The following RSRC1 variants were observed in gnomAD, a reference collection of about 807,000 sequenced individuals.
RSRC1 encodes serine/Arginine-related protein 53.
RSRC1 carries 39 observed loss-of-function variants against 49.1 expected under a neutral mutation model. That is an observed-to-expected ratio of 0.79 (90% CI 0.61 to 1.04). The LOEUF (loss-of-function observed/expected upper bound fraction) is 1.04. Ranked by LOEUF, RSRC1 falls within the 50% of genes least tolerant of loss-of-function variation. The pLI is 0.00. For missense variants in RSRC1, 388 were observed against 402.4 expected, an observed-to-expected ratio of 0.96 and a Z score of 0.31; for synonymous variants, 143 against 130.8, an observed-to-expected ratio of 1.09 and a Z score of -0.63.
intron 2 of RSRC1, 79 bp downstream of exon 2, chr3:158,122,377 C>T: frequency 1.8e-6 from 2 of 1,107,418 alleles, no homozygotes; most frequent in Non-Finnish European, 2.5e-6. Context: ...TTTAATTTTG[C>T]TAGATAAAAC....
intron 6 of RSRC1, among the ~76,000 whole-genome samples, chr3:158,388,597 T>A (rs1203666975): frequency 7.3e-6 from 1 of 137,444 alleles, no homozygotes; most frequent in Non-Finnish European, 1.6e-5. Context: ...GGGAGCCAAA[T>A]TAGCCGTGTT....
At chr3:158,353,995 C>CTTTTTTTTTTTTTTTTTTTTTTTTT (rs1230649090) in intron 5 of RSRC1, among the ~76,000 whole-genome samples, 1 of 96,302 alleles carries the variant, frequency 1.0e-5, no homozygotes, top group Non-Finnish European at 1.9e-5. Flanking sequence ...GTTTCTTTTT[C>CTTTTTTTTTTTTTTTTTTTTTTTTT]TTTTTTTTTT....
chr3:158,275,319 T>C (rs76554882), intron 4 of RSRC1, among the ~76,000 whole-genome samples: 4,041 of 152,198 alleles, frequency 0.027, 162 homozygotes, highest in African/African-American at 0.093. Flanking sequence ...TCCCCATAAT[T>C]TTCTAAATAT....
At chr3:158,439,495 G>T (rs556974889) in intron 6 of RSRC1, among the ~76,000 whole-genome samples, 2,570 of 152,120 alleles carry the variant, frequency 0.017, 24 homozygotes, top group African/African-American at 0.028. Context: ...TAAAAAAGGA[G>T]GAGTTCATGT....
chr3:158,532,042 T>C (rs1184155338), intron 7 of RSRC1, among the ~76,000 whole-genome samples: 1 of 151,910 alleles, frequency 6.6e-6, no homozygotes, highest in Non-Finnish European at 1.5e-5. Flanking sequence ...AATGTTTTTA[T>C]TGTTGACTAT....
chr3:158,162,632 G>A (rs919153504), intron 3 of RSRC1, among the ~76,000 whole-genome samples: 1 of 152,112 alleles, frequency 6.6e-6, no homozygotes, highest in Non-Finnish European at 1.5e-5. Context: ...ATTGCTTCTA[G>A]CTCATTTATA....
chr3:158,435,642 C>CT (rs1264027146), intron 6 of RSRC1, among the ~76,000 whole-genome samples: 3 of 151,472 alleles, frequency 2.0e-5, no homozygotes, highest in Non-Finnish European at 4.4e-5. Context: ...TTTACTTTCA[C>CT]TTTGAAAGTA....
At chr3:158,378,897 C>T (rs919568548) in intron 6 of RSRC1, among the ~76,000 whole-genome samples, 5 of 152,174 alleles carry the variant, frequency 3.3e-5, no homozygotes, top group South Asian at 4.1e-4. Context: ...CAGCTTCCCT[C>T]CAAAATCTGT....
intron 6 of RSRC1, among the ~76,000 whole-genome samples, chr3:158,444,075 T>G (rs1306872167): frequency 6.6e-6 from 1 of 152,094 alleles, no homozygotes; most frequent in South Asian, 2.1e-4. Flanking sequence ...GTGACAGATA[T>G]CAACAGATGT....
intron 6 of RSRC1, among the ~76,000 whole-genome samples, chr3:158,403,128 C>G (rs1228861532): frequency 6.6e-6 from 1 of 151,780 alleles, no homozygotes; most frequent in African/African-American, 2.4e-5. Flanking sequence ...TTTTTAACTT[C>G]TAGTTTCTCT....
chr3:158,181,448 A>G (rs1719617370), intron 3 of RSRC1, among the ~76,000 whole-genome samples: 1 of 152,202 alleles, frequency 6.6e-6, no homozygotes, highest in Non-Finnish European at 1.5e-5. Flanking sequence ...CCTTCAAATT[A>G]TGACCCTTTG....
At chr3:158,515,327 G>A (rs963274500) in intron 7 of RSRC1, among the ~76,000 whole-genome samples, 2 of 144,482 alleles carry the variant, frequency 1.4e-5, no homozygotes, top group South Asian at 2.3e-4. Context: ...TTGCTTGTCT[G>A]TAAAGTATTT....
intron 7 of RSRC1, among the ~76,000 whole-genome samples, chr3:158,506,739 A>G (rs1025454020): frequency 1.3e-5 from 2 of 151,728 alleles, no homozygotes; most frequent in Admixed American, 6.6e-5. Context: ...TGTAAAGTAT[A>G]TAGCCACTAT....
At chr3:158,424,657 C>G (rs1385328894) in intron 6 of RSRC1, among the ~76,000 whole-genome samples, 14 of 151,602 alleles carry the variant, frequency 9.2e-5, no homozygotes, top group African/African-American at 3.1e-4. Flanking sequence ...AGGAATGGTA[C>G]CAGTTCCTCC....
intron 7 of RSRC1, among the ~76,000 whole-genome samples, chr3:158,501,613 T>A (rs1320012601): frequency 6.6e-6 from 1 of 152,174 alleles, no homozygotes; most frequent in African/African-American, 2.4e-5. Context: ...TCCCTCTTCG[T>A]CTTTTTTTAA....
chr3:158,171,338 T>G (rs2108238195), intron 3 of RSRC1, among the ~76,000 whole-genome samples: 1 of 152,258 alleles, frequency 6.6e-6, no homozygotes, highest in African/African-American at 2.4e-5. Context: ...AATCCAAAGG[T>G]ACTTAGCATA....
intron 6 of RSRC1, among the ~76,000 whole-genome samples, chr3:158,457,701 T>A (rs1448131406): frequency 2.0e-5 from 3 of 150,906 alleles, no homozygotes; most frequent in African/African-American, 7.3e-5. Flanking sequence ...GGTTCACTGT[T>A]TTTTTGTTTT....
chr3:158,252,456 C>T lies in RSRC1; in HGVS notation c.495-45583C>T, dbSNP rs141575449. On this transcript the variant is annotated intron_variant, in intron 4 of 9. Transcript: ENST00000611884. ...CTGGGATTACAGGCGTAAGCCACCA[C>T]GCCCGGCCGATGAATGTGTTCTTGA... 4.2e-3 allele frequency among the ~76,000 whole-genome samples: 636 copies of T among 152,264 alleles called. 5 individuals are homozygous for T. Among genetic ancestry groups the T allele is most frequent in the African/African-American group, 0.014 (601 of 41,562 alleles).
At chr3:158,207,662 T>TAGATAGATAGAC (rs55689613) in intron 4 of RSRC1, among the ~76,000 whole-genome samples, 10,708 of 148,944 alleles carry the variant, frequency 0.072, 462 homozygotes, top group East Asian at 0.11. Flanking sequence ...GATAGATAGA[T>TAGATAGATAGAC]AGACAGAGAG....
Sources: allele counts gnomAD v4.1 joint callset (sites outside exome capture counted in the v4.1 genomes callset), GRCh38; gene constraint gnomAD v4.1.1; transcripts MANE v1.5; gene names NCBI Gene and HGNC (gene_info 2026-07-23, HGNC 2026-07-21).